Variants in TAGAP observed in about 807,000 individuals in gnomAD.
The protein encoded by TAGAP is T cell activation RhoGTPase activating protein, also known as T-cell activation Rho GTPase-activating protein.
A neutral mutation model predicts 36.0 loss-of-function variants in TAGAP; 16 were observed. That is an observed-to-expected ratio of 0.44 (90% CI 0.30 to 0.68). The LOEUF (loss-of-function observed/expected upper bound fraction) is 0.68. Ranked by LOEUF, TAGAP falls within the 30% of genes least tolerant of loss-of-function variation. The probability of loss-of-function intolerance (pLI) is 0.09; values close to 1 mark genes in which losing one functional copy is unlikely to be tolerated. For missense variants in TAGAP, 794 were observed against 921.5 expected (o/e 0.86, Z 1.79); for synonymous variants, 372 against 377.4 (o/e 0.99, Z 0.17).
rs1460893452 is a variant in TAGAP at position 159,036,166 on chromosome 6, C to T, written c.1857G>A (p.Thr619=). Reference sequence around the variant, plus strand: ...GCATCCTCGCCCTCATGCTCCCCACCGTCATGCTCCCCACGGTCTGGCTCT... The same window carrying T: ...GCATCCTCGCCCTCATGCTCCCCACTGTCATGCTCCCCACGGTCTGGCTCT... The part of the protein sequence containing the change: ...ASESQTVGSM[T]VGSMRARMLE... The change falls in exon 10 of 10, where the codon ACG becomes ACA. Residue 619 remains threonine, a synonymous_variant. Coordinates refer to ENST00000367066, the MANE Select transcript of TAGAP (RefSeq NM_054114.5). This position sits in a 1 kb window ranked among gnomAD's most constrained non-coding sequence, Gnocchi z 4.9. 3.1e-6 allele frequency: 5 copies of T among 1,612,438 alleles called. No homozygotes were observed. The East Asian group carries it at 6.7e-5, about 22-fold the overall frequency.
In TAGAP at chr6:159,037,204, T is replaced by A. The variant is rs1779577575; in HGVS notation, c.899-80A>T. 1 of 1,260,688 alleles carries A rather than the reference T, an allele frequency of 7.9e-7. No individual in the cohort carries two copies. Among genetic ancestry groups the A allele is most frequent in the Non-Finnish European group, 1.0e-6 (1 of 963,898 alleles). The allele number at this position is 1,260,688 out of a possible 1,614,324, so 78.1% of individuals were successfully genotyped here. ...TTTTTATTTGTATTTTTTATTTTCA[T>A]TTTTTGAGATGGAGTCTCGGTTTGT... On this transcript the variant is annotated intron_variant, in intron 9 of 9. Transcript: ENST00000367066. This position sits in a 1 kb window ranked among gnomAD's most constrained non-coding sequence, Gnocchi z 5.1.
chr6:159,042,395 G>A, intron 4 of TAGAP, 151 bp from the exon 5 acceptor site: 1 of 1,427,556 alleles, frequency 7.0e-7, no homozygotes, highest in Non-Finnish European at 9.1e-7. Flanking sequence ...AGAAAGCAAA[G>A]GGCGTGAATC....
At position 159,043,989 on chromosome 6, in the gene TAGAP, A is replaced by T. The variant is rs1218742457; in HGVS notation, c.70T>A (p.Cys24Ser). The T allele has an allele frequency of 6.2e-7, 1 of 1,613,696 alleles. No individual in the cohort carries two copies. The highest frequency in any genetic ancestry group is 8.5e-7 in the Non-Finnish European group (1 of 1,179,810). ...NANNMETLIECQSEGDIKEHP... is the reference protein window; with the variant it reads ...NANNMETLIESQSEGDIKEHP... ...AATTGCTTTCTTACCTCTGATTGAC[A>T]TTCGATTAGTGTCTCCATATTATTG... Residue 24 changes from cysteine (C) to serine (S), a missense_variant, in exon 3 of 10, where the codon TGT becomes AGT. By Grantham distance (112) the Cys-to-Ser change is moderately radical. Transcript: ENST00000367066.
rs1274675562 is a variant in TAGAP, at chr6:159,041,262, T to C, written c.477+92A>G. The C allele has an allele frequency of 1.1e-5, 17 of 1,481,662 alleles. No homozygotes were observed. Among genetic ancestry groups the C allele is most frequent in the Non-Finnish European group, 1.5e-5 (16 of 1,088,552 alleles). The allele number at this position is 1,481,662 out of a possible 1,614,324, so 91.8% of individuals were successfully genotyped here. ...AAACTCCAAGATCAGTGTACCTTGC[T>C]GTGTGGGGAGAAGAGCCTATTTCTT... On this transcript the variant is annotated intron_variant, in intron 6 of 9. Transcript: ENST00000367066. This position sits in a 1 kb window ranked among gnomAD's most constrained non-coding sequence, Gnocchi z 4.1.
At chr6:159,044,462 TACC>T (rs1235855660) in intron 1 of TAGAP, among the ~76,000 whole-genome samples, 1 of 152,226 alleles carries the variant, frequency 6.6e-6, no homozygotes, top group Non-Finnish European at 1.5e-5. Context: ...CAACTATCTT[TACC>T]ACTCTAAACG....
rs1363423645 is a variant in TAGAP at position 159,036,966 on chromosome 6, C to T, written c.1057G>A (p.Val353Ile). The T allele has an allele frequency of 6.2e-7, 1 of 1,613,706 alleles. No individual in the cohort carries two copies. The highest frequency in any genetic ancestry group is 8.5e-7 in the Non-Finnish European group (1 of 1,179,878). Residue 353 changes from valine (V) to isoleucine (I), a missense_variant, in exon 10 of 10, where the codon GTC becomes ATC. Transcript: ENST00000367066. This position sits in a 1 kb window ranked among gnomAD's most constrained non-coding sequence, Gnocchi z 4.9. ...GTGCTCACAATGGGCTCTGGGCTGA[C>T]CTCTCGGGCATCCTGTGGGCCCGCG... ...DSAGPQDARE[V>I]SPEPIVSTVA... is the part of the protein sequence containing the mutation.
chr6:159,035,935 G>A lies in TAGAP; in HGVS notation c.2088C>T (p.Thr696=), dbSNP rs1258228919. The part of the protein sequence containing the change: ...PGRPELLPLR[T]VSESVQRNKR... ...TATTCCTCTGCACGGACTCGGAGAC[G>A]GTCCTCAGCGGGAGGAGCTCAGGTC... The change falls in exon 10 of 10, where the codon ACC becomes ACT. Residue 696 remains threonine, a synonymous_variant. Transcript: ENST00000367066. 1 of 1,614,132 alleles carries A rather than the reference G, an allele frequency of 6.2e-7. No homozygotes were observed. Among genetic ancestry groups the A allele is most frequent in the East Asian group, 2.2e-5 (1 of 44,874 alleles).
chr6:159,041,536 A>G lies in TAGAP; in HGVS notation c.316-21T>C, dbSNP rs1401516850. ...ATGTCCTAAAGGAAACAGCAATAGG[A>G]ACAGGAAAGGGTTACCCTTCTTCTT... is the stretch of plus-strand genomic sequence containing the variant. On this transcript the variant is annotated intron_variant, in intron 5 of 9. Coordinates refer to ENST00000367066, the MANE Select transcript of TAGAP (RefSeq NM_054114.5). This position sits in a 1 kb window ranked among gnomAD's most constrained non-coding sequence, Gnocchi z 4.1. 2 of 1,610,294 alleles carry G rather than the reference A, an allele frequency of 1.2e-6. No homozygotes were observed. The highest frequency in any genetic ancestry group is 8.5e-7 in the Non-Finnish European group (1 of 1,178,250).
At chr6:159,044,611 G>GT (rs1472039504) in intron 1 of TAGAP, among the ~76,000 whole-genome samples, 3 of 151,166 alleles carry the variant, frequency 2.0e-5, no homozygotes, top group South Asian at 4.2e-4. Flanking sequence ...TGCTTTGCAT[G>GT]GATTTTCTCA....
chr6:159,038,266 T>A, intron 8 of TAGAP, 38 bp from the exon 9 acceptor site: 293 of 120,304 alleles, frequency 2.4e-3, no homozygotes, highest in Non-Finnish European at 3.8e-3. Flanking sequence ...GCTTGAAGAC[T>A]TTTTTTTTTT....
chr6:159,041,935 A>C lies in TAGAP; in HGVS notation c.315+143T>G. The C allele has an allele frequency of 8.0e-6, 7 of 876,374 alleles. No individual in the cohort carries two copies. In the South Asian group the frequency reaches 1.0e-4, roughly 13 times the overall value. 54.3% of individuals were successfully genotyped at this position (876,374 alleles called of 1,614,324 possible). ...CAGATATTCTTCTGACTGCACGCGT[A>C]TGTGGGAGTGCCATGTTGAAGAGTG... is the stretch of plus-strand genomic sequence containing the variant. On this transcript the variant is annotated intron_variant, in intron 5 of 9. Transcript: ENST00000367066. The surrounding 1 kb of genome is among the most constrained non-coding windows in gnomAD (Gnocchi z 4.1).
Position 159,035,913 on chromosome 6 carries a change from T to C in TAGAP, c.2110A>G (p.Asn704Asp). The change falls in exon 10 of 10, where the codon AAT becomes GAT. Residue 704 changes from asparagine to aspartate, a missense_variant. By Grantham distance (23) the Asn-to-Asp change is conservative. Coordinates refer to ENST00000367066, the MANE Select transcript of TAGAP (RefSeq NM_054114.5). ...LRTVSESVQR[N>D]KRDCLVRRCS... ...CGTCGCACGAGACAGTCCCGCTTAT[T>C]CCTCTGCACGGACTCGGAGACGGTC... 6 of 1,614,150 alleles carry C rather than the reference T, an allele frequency of 3.7e-6. No homozygotes were observed. The highest frequency in any genetic ancestry group is 4.2e-6 in the Non-Finnish European group (5 of 1,179,978).
rs749580145 is a variant in TAGAP, at chr6:159,042,424, C to G, written c.149-180G>C. ...GTGAATCTTAATCTAGAAAAACCAA[C>G]CGATAAACAACCACACTGTTACCAG... On this transcript the variant is annotated intron_variant, in intron 4 of 9. Coordinates refer to ENST00000367066, the MANE Select transcript of TAGAP (RefSeq NM_054114.5). 337 of 1,367,472 alleles carry G rather than the reference C, an allele frequency of 2.5e-4. 1 individual carries two copies. The highest frequency in any genetic ancestry group is 3.0e-4 in the Non-Finnish European group (316 of 1,051,406). The allele number at this position is 1,367,472 out of a possible 1,614,324, so 84.7% of individuals were successfully genotyped here.
In TAGAP at chr6:159,039,397, C is replaced by T. The variant is rs1583775019; in HGVS notation, c.588-88G>A. 5.8e-6 allele frequency: 8 copies of T among 1,387,966 alleles called. No individual in the cohort carries two copies. The East Asian group carries it at 1.7e-4, about 30-fold the overall frequency. The allele number at this position is 1,387,966 out of a possible 1,614,324, so 86.0% of individuals were successfully genotyped here. Reference sequence around the variant, plus strand: ...GAGAGTTTCTGCCGAAACCAGACTTCCTTTAAAATGAGGAAGGTGCATTTT... The same window carrying T: ...GAGAGTTTCTGCCGAAACCAGACTTTCTTTAAAATGAGGAAGGTGCATTTT... On this transcript the variant is annotated intron_variant, in intron 7 of 9. Transcript: ENST00000367066.
In TAGAP at chr6:159,037,302, C is replaced by T. The variant is rs747225810; in HGVS notation, c.899-178G>A. 4.6e-5 allele frequency among the ~76,000 whole-genome samples: 7 copies of T among 152,150 alleles called. No individual in the cohort carries two copies. The highest frequency in any genetic ancestry group is 1.0e-4 in the Non-Finnish European group (7 of 68,026). ...TACCTCCCGGGTTCAAGTGATTCTC[C>T]TTCCTCAGCCTCAGTAGCTGGGATT... On this transcript the variant is annotated intron_variant, in intron 9 of 9. Coordinates refer to ENST00000367066, the MANE Select transcript of TAGAP (RefSeq NM_054114.5). The surrounding 1 kb of genome is among the most constrained non-coding windows in gnomAD (Gnocchi z 5.1).
At position 159,036,691 on chromosome 6, in the gene TAGAP, G is replaced by A. The variant is rs774316765; in HGVS notation, c.1332C>T (p.Asn444=). 3 of 1,614,182 alleles carry A rather than the reference G, an allele frequency of 1.9e-6. No individual in the cohort carries two copies. The highest frequency in any genetic ancestry group is 2.5e-6 in the Non-Finnish European group (3 of 1,180,028). Residue 444 remains asparagine (N), a synonymous_variant, in exon 10 of 10, where the codon AAC becomes AAT. Coordinates refer to ENST00000367066, the MANE Select transcript of TAGAP (RefSeq NM_054114.5). This position sits in a 1 kb window ranked among gnomAD's most constrained non-coding sequence, Gnocchi z 4.9. The stretch of plus-strand genomic sequence containing the variant: ...GCGGGAGCACCGAACCCGGGGCCAA[G>A]TTCTTGATCTTCAGGTCCACCGGCC... ...TKRPVDLKIK[N]LAPGSVLPRA...
chr6:159,039,329 T>C lies in TAGAP; in HGVS notation c.588-20A>G. The C allele has an allele frequency of 6.2e-7, 1 of 1,605,502 alleles. No homozygotes were observed. The highest frequency in any genetic ancestry group is 8.5e-7 in the Non-Finnish European group (1 of 1,174,192). ...GCAACCCTGGAATAAAGTGAAGGGA[T>C]GTTAGTTTTCAAAAAGGCTAATGGT... is the stretch of plus-strand genomic sequence containing the variant. On this transcript the variant is annotated intron_variant, in intron 7 of 9. Coordinates refer to ENST00000367066, the MANE Select transcript of TAGAP (RefSeq NM_054114.5).
chr6:159,041,273 A>G lies in TAGAP; in HGVS notation c.477+81T>C, dbSNP rs1379834580. On this transcript the variant is annotated intron_variant, in intron 6 of 9. Transcript: ENST00000367066. The surrounding 1 kb of genome is among the most constrained non-coding windows in gnomAD (Gnocchi z 4.1). Reference sequence around the variant, plus strand: ...TCAGTGTACCTTGCTGTGTGGGGAGAAGAGCCTATTTCTTGCATCCTGAGA... The same window carrying G: ...TCAGTGTACCTTGCTGTGTGGGGAGGAGAGCCTATTTCTTGCATCCTGAGA... The G allele has an allele frequency of 4.2e-5, 65 of 1,535,918 alleles. No individual in the cohort carries two copies. Among genetic ancestry groups the G allele is most frequent in the Non-Finnish European group, 5.7e-5 (65 of 1,130,726 alleles).
rs376139692 is a variant in TAGAP at position 159,038,102 on chromosome 6, C to T, written c.898+12G>A. On this transcript the variant is annotated intron_variant, in intron 9 of 9. Coordinates refer to ENST00000367066, the MANE Select transcript of TAGAP (RefSeq NM_054114.5). The stretch of plus-strand genomic sequence containing the variant: ...CCCTACAATCGTAATCAAATGATAG[C>T]ACATTCCATACCTGAACTGTCAGTG... 1.2e-5 allele frequency: 19 copies of T among 1,537,868 alleles called. No individual in the cohort carries two copies. In the African/African-American group the frequency reaches 2.2e-4, roughly 18 times the overall value.
Sources: gnomAD v4.1 joint callset for allele counts (sites outside exome capture counted in the v4.1 genomes callset) on GRCh38, gnomAD v4.1.1 for gene constraint, Gnocchi (gnomAD v3.1) non-coding constraint, MANE v1.5 for transcripts, NCBI Gene and HGNC (gene_info 2026-07-23, HGNC 2026-07-21) for gene names.